SOX5: variants seen among roughly 807,000 people sequenced by gnomAD.
SOX5 encodes the protein SRY-box transcription factor 5.
Under a neutral mutation model 92.0 loss-of-function variants are expected in SOX5, and 9 were observed. The observed-to-expected ratio is 0.10, with a 90% CI of 0.06 to 0.17. The LOEUF (loss-of-function observed/expected upper bound fraction) is 0.17. Among genes scored for constraint, SOX5 ranks in the 10% least tolerant of loss-of-function variants. SOX5 has a pLI of 1.00. For missense variants in SOX5, 642 were observed against 944.5 expected (o/e 0.68, Z 4.20); for synonymous variants, 344 against 336.3 (o/e 1.02, Z -0.25).
chr12:23,732,157 C>T (rs1445138968), intron 6 of SOX5, among the ~76,000 whole-genome samples: 1 of 152,034 alleles, frequency 6.6e-6, no homozygotes, highest in Non-Finnish European at 1.5e-5. Context: ...TAGTCTTCAT[C>T]CTTGCCCTAT....
At chr12:24,451,162 A>ACTCCACTG (rs1217208948) in intron 1 of SOX5, among the ~76,000 whole-genome samples, 1 of 152,250 alleles carries the variant, frequency 6.6e-6, no homozygotes, top group African/African-American at 2.4e-5. Flanking sequence ...TCCACTGTGT[A>ACTCCACTG]TAAGTACCAC....
intron 2 of SOX5, among the ~76,000 whole-genome samples, chr12:24,277,578 A>G (rs12828321): frequency 2.1e-5 from 3 of 143,568 alleles, no homozygotes; most frequent in Non-Finnish European, 3.0e-5. Flanking sequence ...ATATATAAAT[A>G]TATATTTAAA....
At chr12:23,919,107 C>T (rs1249090417) in intron 1 of SOX5, among the ~76,000 whole-genome samples, 1 of 151,946 alleles carries the variant, frequency 6.6e-6, no homozygotes, top group Non-Finnish European at 1.5e-5. Flanking sequence ...GAGCAAATGC[C>T]TGCATTGTGC....
At chr12:23,797,881 C>G (rs937826846) in intron 3 of SOX5, among the ~76,000 whole-genome samples, 2 of 151,982 alleles carry the variant, frequency 1.3e-5, no homozygotes, top group African/African-American at 4.8e-5. Flanking sequence ...TTCATTCTAG[C>G]TATACTGGCC....
intron 1 of SOX5, among the ~76,000 whole-genome samples, chr12:24,489,915 A>G (rs1206832607): frequency 6.6e-6 from 1 of 152,252 alleles, no homozygotes; most frequent in African/African-American, 2.4e-5. Context: ...AACGTAGTCC[A>G]GAACTGCACC....
intron 1 of SOX5, among the ~76,000 whole-genome samples, chr12:24,502,463 T>C (rs1178355828): frequency 6.6e-6 from 1 of 152,156 alleles, no homozygotes. Context: ...ATTGATGGAA[T>C]ATAACCTACT....
At chr12:24,245,714 G>C (rs116893355) in intron 3 of SOX5, among the ~76,000 whole-genome samples, 2,972 of 152,140 alleles carry the variant, frequency 0.02, 40 homozygotes, top group South Asian at 0.042. Flanking sequence ...TTTTAACAAG[G>C]TTTAAAACCC....
chr12:24,230,910 T>C (rs765728002), intron 3 of SOX5, among the ~76,000 whole-genome samples: 3 of 152,214 alleles, frequency 2.0e-5, no homozygotes, highest in Non-Finnish European at 4.4e-5. Flanking sequence ...CTTGACAAGA[T>C]AAATCTAAAA....
In SOX5 at chr12:24,013,663, G is replaced by T. The variant is rs140756653; in HGVS notation, c.-1-117639C>A. Among the ~76,000 whole-genome samples the T allele has an allele frequency of 7.2e-3, 1,093 of 152,222 alleles. 10 individuals carry two copies. Among genetic ancestry groups the T allele is most frequent in the African/African-American group, 0.025 (1,038 of 41,552 alleles). ...ATCTGGTCTTATTTGAGGGACTCAT[G>T]GGAAAATTGCAAAACTAATCTGATT... On this transcript the variant is annotated intron_variant, in intron 4 of 4. Coordinates refer to the SOX5 transcript ENST00000446891.
intron 4 of SOX5, among the ~76,000 whole-genome samples, chr12:23,986,849 A>T (rs1004685304): frequency 3.3e-5 from 5 of 151,862 alleles, no homozygotes; most frequent in African/African-American, 1.2e-4. Flanking sequence ...AAATTAGCCA[A>T]TTTTTTTTAA....
chr12:24,558,368 C>A (rs1954014028), intron 1 of SOX5, among the ~76,000 whole-genome samples: 1 of 152,096 alleles, frequency 6.6e-6, no homozygotes, highest in South Asian at 2.1e-4. Context: ...AAACAACCCC[C>A]CGCGAAATTC....
At chr12:24,456,425 T>C (rs910840492) in intron 1 of SOX5, among the ~76,000 whole-genome samples, 1 of 152,218 alleles carries the variant, frequency 6.6e-6, no homozygotes, top group Non-Finnish European at 1.5e-5. Context: ...ATCATATTTC[T>C]AGAAACTCTA....
At chr12:24,199,222 G>T (rs1202828628) in intron 4 of SOX5, among the ~76,000 whole-genome samples, 1 of 152,264 alleles carries the variant, frequency 6.6e-6, no homozygotes, top group African/African-American at 2.4e-5. Context: ...ACAGGACAAC[G>T]GTACAATGCG....
At chr12:24,140,578 T>C (rs556674043) in intron 4 of SOX5, among the ~76,000 whole-genome samples, 1 of 152,296 alleles carries the variant, frequency 6.6e-6, no homozygotes, top group South Asian at 2.1e-4. Context: ...GTTTTATACA[T>C]ATTCAGATTT....
chr12:23,671,956 G>A (rs997106347), intron 6 of SOX5, among the ~76,000 whole-genome samples: 1 of 151,808 alleles, frequency 6.6e-6, no homozygotes, highest in African/African-American at 2.4e-5. Flanking sequence ...TTTAAAAATC[G>A]TTTCCAAGGA....
chr12:24,246,982 C>G (rs1938908287), intron 3 of SOX5, among the ~76,000 whole-genome samples: 1 of 152,022 alleles, frequency 6.6e-6, no homozygotes, highest in East Asian at 1.9e-4. Context: ...AAGATGACGG[C>G]ATGTAAAAAT....
At chr12:23,934,439 T>C (rs1225481994) in intron 1 of SOX5, among the ~76,000 whole-genome samples, 5 of 149,310 alleles carry the variant, frequency 3.3e-5, no homozygotes, top group Non-Finnish European at 7.4e-5. Flanking sequence ...GTATACACAT[T>C]ATACACATAC....
intron 2 of SOX5, among the ~76,000 whole-genome samples, chr12:23,851,666 T>A (rs553534236): frequency 2.6e-5 from 4 of 152,144 alleles, no homozygotes; most frequent in African/African-American, 9.6e-5. Context: ...GGTCCAGTAG[T>A]TCAAAAAATG....
intron 2 of SOX5, among the ~76,000 whole-genome samples, chr12:24,311,136 G>A (rs1949131462): frequency 6.6e-6 from 1 of 152,182 alleles, no homozygotes; most frequent in Non-Finnish European, 1.5e-5. Flanking sequence ...GGGGGGCCAG[G>A]AGGTAGAGGT....
Sources: gnomAD v4.1 joint callset for allele counts (sites outside exome capture counted in the v4.1 genomes callset) on GRCh38, gnomAD v4.1.1 for gene constraint, MANE v1.5 for transcripts, NCBI Gene and HGNC (gene_info 2026-07-23, HGNC 2026-07-21) for gene names.